The following TMLHE variants were observed in gnomAD, a reference collection of about 807,000 sequenced individuals.
TMLHE encodes the protein trimethyllysine hydroxylase, epsilon, also known as trimethyllysine dioxygenase, mitochondrial.
A neutral mutation model predicts 25.7 loss-of-function variants in TMLHE; 18 were observed. That is an observed-to-expected ratio of 0.70 (90% CI 0.48 to 1.04). The LOEUF (loss-of-function observed/expected upper bound fraction) is 1.04, where lower values mean the gene tolerates loss of function less well. Ranked by LOEUF, TMLHE falls within the 50% of genes least tolerant of loss-of-function variation. The pLI, the probability that TMLHE is intolerant of heterozygous loss-of-function variation, is 0.00. For missense variants in TMLHE, 236 were observed against 259.0 expected (o/e 0.91, Z 0.61); for synonymous variants, 105 against 97.0 (o/e 1.08, Z -0.49).
Position 155,564,377 on chromosome X carries a change from G to T in TMLHE, c.-1-19100C>A, listed in dbSNP as rs1342630844. ...TGGGAAGAGTGTCTAGACTTGGAGG[G>T]TCATCAGACCATGGTACAGGTCCTA... On this transcript the variant is annotated intron_variant, in intron 1 of 7. Coordinates refer to ENST00000334398, the MANE Select transcript of TMLHE (RefSeq NM_018196.4). Among the ~76,000 whole-genome samples, 3 of 61,967 alleles carry T rather than the reference G, an allele frequency of 4.8e-5. 1 individual carries two copies. Among genetic ancestry groups the T allele is most frequent in the Non-Finnish European group, 1.4e-4 (3 of 22,082 alleles). 53.8% of individuals were successfully genotyped at this position (61,967 alleles called of 115,157 possible). A position where few individuals can be genotyped will look rare whatever the true frequency, so the allele number is the denominator to read the frequency against.
At chrX:155,548,535 GCCAGC>G (rs1195837742) in intron 1 of TMLHE, among the ~76,000 whole-genome samples, 3 of 109,143 alleles carry the variant, frequency 2.7e-5, no homozygotes, top group Non-Finnish European at 5.7e-5. Context: ...GCAGTATGAG[GCCAGC>G]CTGACTAACA....
chrX:155,598,537 C>T (rs950303027), intron 1 of TMLHE, among the ~76,000 whole-genome samples: 4 of 83,894 alleles, frequency 4.8e-5, no homozygotes, highest in Non-Finnish European at 6.6e-5. Context: ...GAACATCACA[C>T]ACCGGGGTCT....
chrX:155,522,043 TC>T (rs1325113277), intron 3 of TMLHE, among the ~76,000 whole-genome samples: 3 of 111,389 alleles, frequency 2.7e-5, no homozygotes, highest in East Asian at 5.7e-4. Flanking sequence ...TCTTGGCTCC[TC>T]CCCCCAACAA....
chrX:155,549,230 G>C (rs1434244001), intron 1 of TMLHE, among the ~76,000 whole-genome samples: 1 of 110,701 alleles, frequency 9.0e-6, no homozygotes, highest in East Asian at 2.8e-4. Flanking sequence ...CCTTTTGTTT[G>C]TTTTTTTGCT....
chrX:155,546,738 G>A (rs781864996), intron 1 of TMLHE, among the ~76,000 whole-genome samples: 9 of 111,477 alleles, frequency 8.1e-5, no homozygotes, highest in Non-Finnish European at 1.7e-4. Context: ...GGGCAAAGAG[G>A]AGAGCACAGA....
At position 155,570,794 on chromosome X, in the gene TMLHE, C is replaced by A. The variant is rs1217006474; in HGVS notation, c.-1-25517G>T. ...AGATATTCTTTGAAACCAATGAGAA[C>A]AAAGACACAACATACCAGAATCTCT... On this transcript the variant is annotated intron_variant, in intron 1 of 7. Coordinates refer to ENST00000334398, the MANE Select transcript of TMLHE (RefSeq NM_018196.4). Among the ~76,000 whole-genome samples, 3 of 56,958 alleles carry A rather than the reference C, an allele frequency of 5.3e-5. 1 individual carries two copies. The highest frequency in any genetic ancestry group is 1.3e-4 in the African/African-American group (3 of 23,677). The allele number at this position is 56,958 out of a possible 115,157, so 49.5% of individuals were successfully genotyped here. A position where few individuals can be genotyped will look rare whatever the true frequency, so the allele number is the denominator to read the frequency against.
Position 155,572,858 on chromosome X carries a change from C to T in TMLHE, c.-1-27581G>A, listed in dbSNP as rs1447113820. 2.6e-4 allele frequency among the ~76,000 whole-genome samples: 15 copies of T among 56,992 alleles called. 4 individuals carry two copies. The highest frequency in any genetic ancestry group is 3.3e-4 in the African/African-American group (8 of 23,911). 49.5% of individuals were successfully genotyped at this position (56,992 alleles called of 115,157 possible). A position where few individuals can be genotyped will look rare whatever the true frequency, so the allele number is the denominator to read the frequency against. ...ATTCAAGATGGATTAAAGACTTAAA[C>T]GTTAGACCTAAAACCATAAAAACCC... On this transcript the variant is annotated intron_variant, in intron 1 of 7. Coordinates refer to ENST00000334398, the MANE Select transcript of TMLHE (RefSeq NM_018196.4).
chrX:155,555,888 G>T (rs2067450321), intron 1 of TMLHE, among the ~76,000 whole-genome samples: 3 of 109,787 alleles, frequency 2.7e-5, no homozygotes, highest in African/African-American at 1.0e-4. Context: ...GATCCCATTT[G>T]TCAATTTTGG....
At chrX:155,606,352 A>G (rs782724088) in intron 1 of TMLHE, among the ~76,000 whole-genome samples, 1 of 111,709 alleles carries the variant, frequency 9.0e-6, no homozygotes, top group Admixed American at 9.5e-5. Context: ...GCCATAAGAC[A>G]ATTCTCAGCA....
chrX:155,524,328 C>T, intron 3 of TMLHE, 128 bp downstream of exon 3: 1 of 560,672 alleles, frequency 1.8e-6, no homozygotes, highest in Middle Eastern at 6.4e-4. Context: ...TTCAAAAAAT[C>T]CTTCCAAAAC....
At chrX:155,513,016 C>G (rs1557334012) in intron 4 of TMLHE, among the ~76,000 whole-genome samples, 2 of 111,368 alleles carry the variant, frequency 1.8e-5, no homozygotes, top group East Asian at 2.8e-4. Flanking sequence ...ACTATCATCC[C>G]TAAAACTGTC....
At chrX:155,585,407 AC>A (rs2067657619) in intron 1 of TMLHE, among the ~76,000 whole-genome samples, 1 of 50,770 alleles carries the variant, frequency 2.0e-5, no homozygotes, top group Admixed American at 2.4e-4. Flanking sequence ...TAAATTATAC[AC>A]ACACACAAAC....
At chrX:155,555,070 C>G (rs1557340559) in intron 1 of TMLHE, among the ~76,000 whole-genome samples, 1 of 109,551 alleles carries the variant, frequency 9.1e-6, no homozygotes, top group East Asian at 2.8e-4. Flanking sequence ...TGTGATGTTC[C>G]CCACCCTGTG....
chrX:155,512,994 T>C (rs2067128120), intron 4 of TMLHE, among the ~76,000 whole-genome samples: 1 of 111,746 alleles, frequency 8.9e-6, no homozygotes, highest in South Asian at 3.7e-4. Flanking sequence ...TAGGAAATGC[T>C]CTTCCTTTTG....
chrX:155,583,024 G>T (rs2067640933), intron 1 of TMLHE, among the ~76,000 whole-genome samples: 1 of 111,844 alleles, frequency 8.9e-6, no homozygotes, highest in South Asian at 3.7e-4. Flanking sequence ...CCTTTGTAGG[G>T]ACCTGGATGA....
At chrX:155,598,338 G>A (rs1405382005) in intron 1 of TMLHE, among the ~76,000 whole-genome samples, 3 of 110,118 alleles carry the variant, frequency 2.7e-5, no homozygotes, top group Non-Finnish European at 1.9e-5. Flanking sequence ...TTAAGAAAAT[G>A]TGGCACATAT....
intron 1 of TMLHE, among the ~76,000 whole-genome samples, chrX:155,606,330 A>ACCACAC (rs1304447831): frequency 8.9e-6 from 1 of 111,839 alleles, no homozygotes; most frequent in Non-Finnish European, 1.9e-5. Context: ...TACTCTACTG[A>ACCACAC]CCACACAGTC....
chrX:155,581,015 C>T (rs782646843), intron 1 of TMLHE, among the ~76,000 whole-genome samples: 21 of 111,850 alleles, frequency 1.9e-4, no homozygotes, highest in South Asian at 3.7e-4. Context: ...AAGGCTGGTT[C>T]GACATATGCA....
At chrX:155,579,473 C>T (rs1233160037) in intron 1 of TMLHE, among the ~76,000 whole-genome samples, 1 of 111,954 alleles carries the variant, frequency 8.9e-6, no homozygotes, top group Non-Finnish European at 1.9e-5. Context: ...TGGTCTTTGA[C>T]AAAGGTGACA....
Sources: allele counts gnomAD v4.1 joint callset (sites outside exome capture counted in the v4.1 genomes callset), GRCh38; gene constraint gnomAD v4.1.1; transcripts MANE v1.5; gene names NCBI Gene and HGNC (gene_info 2026-07-23, HGNC 2026-07-21).